Variants in CAMKMT observed in about 807,000 individuals in gnomAD.
CAMKMT encodes the protein CaM KMT.
In CAMKMT, 53 loss-of-function variants were observed where a neutral mutation model predicts 48.0. That is an observed-to-expected ratio of 1.10 (90% confidence interval 0.89 to 1.39). The LOEUF (loss-of-function observed/expected upper bound fraction) is 1.39. CAMKMT is among the 40% of genes most tolerant of loss of function. The pLI is 0.00. For synonymous variants in CAMKMT, 165 were observed against 152.3 expected, an observed-to-expected ratio of 1.08 and a Z score of -0.61; for missense variants, 428 against 402.7, an observed-to-expected ratio of 1.06 and a Z score of -0.54.
At chr2:44,581,881 C>G (rs1262057135) in intron 3 of CAMKMT, among the ~76,000 whole-genome samples, 4 of 152,206 alleles carry the variant, frequency 2.6e-5, no homozygotes, top group Non-Finnish European at 4.4e-5. Context: ...CGCCTGTAGT[C>G]CCAGCTATTT....
At chr2:44,589,199 C>T (rs1459395078) in intron 3 of CAMKMT, among the ~76,000 whole-genome samples, 6 of 48,422 alleles carry the variant, frequency 1.2e-4, no homozygotes, top group East Asian at 6.7e-4. Flanking sequence ...TCTGCCCGGC[C>T]GCCCCTACTG....
chr2:44,547,826 C>G (rs549299155), intron 3 of CAMKMT, among the ~76,000 whole-genome samples: 1 of 152,232 alleles, frequency 6.6e-6, no homozygotes, highest in African/African-American at 2.4e-5. Flanking sequence ...TCTCTAACGG[C>G]CTAAATTTGG....
intron 8 of CAMKMT, among the ~76,000 whole-genome samples, chr2:44,745,681 T>A (rs545112315): frequency 2.4e-4 from 36 of 152,258 alleles, no homozygotes; most frequent in African/African-American, 8.7e-4. Flanking sequence ...TGCCAGAATG[T>A]CAGCCTGTTT....
At chr2:44,684,908 G>A (rs1043043931) in intron 3 of CAMKMT, among the ~76,000 whole-genome samples, 2 of 152,126 alleles carry the variant, frequency 1.3e-5, no homozygotes, top group African/African-American at 4.8e-5. Flanking sequence ...GCATTTGTAG[G>A]TAGAATCAGG....
intron 6 of CAMKMT, among the ~76,000 whole-genome samples, chr2:44,709,286 T>A (rs1034281798): frequency 6.6e-6 from 1 of 152,116 alleles, no homozygotes; most frequent in African/African-American, 2.4e-5. Context: ...TATAGCGGGG[T>A]GCCAAAGGGC....
chr2:44,487,887 G>C (rs1462587775), intron 3 of CAMKMT, among the ~76,000 whole-genome samples: 1 of 152,224 alleles, frequency 6.6e-6, no homozygotes, highest in Non-Finnish European at 1.5e-5. Flanking sequence ...CTTCAAGCAG[G>C]TAGATTTTCA....
chr2:44,469,440 AG>A (rs1668303078), intron 3 of CAMKMT, among the ~76,000 whole-genome samples: 1 of 151,956 alleles, frequency 6.6e-6, no homozygotes, highest in African/African-American at 2.4e-5. Flanking sequence ...CGTAGCTTTA[AG>A]TATATTTCTT....
At chr2:44,762,734 T>G (rs1680671419) in intron 9 of CAMKMT, among the ~76,000 whole-genome samples, 1 of 152,182 alleles carries the variant, frequency 6.6e-6, no homozygotes. Context: ...TAAGTATAGA[T>G]TAGTCTAGCA....
chr2:44,578,888 C>G (rs1256041660), intron 3 of CAMKMT, among the ~76,000 whole-genome samples: 3 of 152,196 alleles, frequency 2.0e-5, no homozygotes, highest in Non-Finnish European at 4.4e-5. Flanking sequence ...GTACAGGCAT[C>G]TTAACTCCTC....
chr2:44,403,506 C>CT (rs1682572456), intron 3 of CAMKMT, among the ~76,000 whole-genome samples: 1 of 152,200 alleles, frequency 6.6e-6, no homozygotes, highest in African/African-American at 2.4e-5. Context: ...CATCCTTGTA[C>CT]TCTACTCGTA....
intron 2 of CAMKMT, among the ~76,000 whole-genome samples, chr2:44,375,774 T>C (rs1266990879): frequency 1.3e-5 from 2 of 151,624 alleles, no homozygotes; most frequent in Non-Finnish European, 2.9e-5. Flanking sequence ...GTGGATCTGC[T>C]CCAGGTTCTT....
intron 3 of CAMKMT, among the ~76,000 whole-genome samples, chr2:44,526,110 A>G (rs1342078631): frequency 6.6e-6 from 1 of 151,568 alleles, no homozygotes; most frequent in East Asian, 2.0e-4. Flanking sequence ...GAAATTGGAA[A>G]TCATCATTCT....
chr2:44,433,033 A>G (rs1056818591), intron 3 of CAMKMT, among the ~76,000 whole-genome samples: 2 of 152,164 alleles, frequency 1.3e-5, no homozygotes, highest in African/African-American at 4.8e-5. Context: ...ATTTCCTTAT[A>G]TTCTCTCTCA....
chr2:44,421,666 A>T (rs1683943951), intron 3 of CAMKMT, among the ~76,000 whole-genome samples: 1 of 152,212 alleles, frequency 6.6e-6, no homozygotes, highest in Admixed American at 6.5e-5. Context: ...GTTCCAGGTA[A>T]AATACCTAAT....
chr2:44,433,375 C>T (rs1684763010), intron 3 of CAMKMT, among the ~76,000 whole-genome samples: 1 of 151,920 alleles, frequency 6.6e-6, no homozygotes, highest in South Asian at 2.1e-4. Context: ...GGAACTTTTA[C>T]TGAGTTTGTA....
chr2:44,518,344 T>A (rs1479640736), intron 3 of CAMKMT, among the ~76,000 whole-genome samples: 5 of 152,198 alleles, frequency 3.3e-5, no homozygotes, highest in Admixed American at 2.0e-4. Context: ...TTTATTGGTT[T>A]CTGTACACCT....
intron 3 of CAMKMT, among the ~76,000 whole-genome samples, chr2:44,514,429 C>CTT (rs887704499): frequency 5.6e-4 from 85 of 152,280 alleles, no homozygotes; most frequent in African/African-American, 2.0e-3. Flanking sequence ...TTTGCCCAAG[C>CTT]TTTTTCCTCT....
In CAMKMT at chr2:44,390,229, A is replaced by C; in HGVS notation, c.312-12A>C. The C allele has an allele frequency of 6.3e-7, 1 of 1,596,692 alleles. No homozygotes were observed. The highest frequency in any genetic ancestry group is 8.5e-7 in the Non-Finnish European group (1 of 1,172,500). On this transcript the variant is annotated splice_polypyrimidine_tract_variant and intron_variant, in intron 2 of 10. Transcript: ENST00000378494. ...TCAGAATCATTAAAGCAAACGCTTTACTCCTTTCTAGGCATAATAGTGGAT... is the reference window on the plus strand; with the variant it reads ...TCAGAATCATTAAAGCAAACGCTTTCCTCCTTTCTAGGCATAATAGTGGAT...
At chr2:44,430,579 C>T (rs1001836009) in intron 3 of CAMKMT, among the ~76,000 whole-genome samples, 1 of 151,508 alleles carries the variant, frequency 6.6e-6, no homozygotes, top group Non-Finnish European at 1.5e-5. Flanking sequence ...CCTGGGGCTC[C>T]CATCCTTTGA....
Sources: allele counts gnomAD v4.1 joint callset (sites outside exome capture counted in the v4.1 genomes callset), GRCh38; gene constraint gnomAD v4.1.1; transcripts MANE v1.5; gene names NCBI Gene and HGNC (gene_info 2026-07-23, HGNC 2026-07-21).